Variants in SND1 observed in about 807,000 individuals in gnomAD.
SND1 encodes the protein staphylococcal nuclease domain-containing protein 1.
A neutral mutation model predicts 121.7 loss-of-function variants in SND1; 38 were observed. That is an observed-to-expected ratio of 0.31 (90% confidence interval 0.24 to 0.41). The LOEUF is 0.41. Among genes scored for constraint, SND1 ranks in the 10% least tolerant of loss-of-function variants. The pLI is 1.00. For missense variants in SND1, 868 were observed against 1,184.6 expected (o/e 0.73, Z 3.92); for synonymous variants, 401 against 447.4 (o/e 0.90, Z 1.31).
chr7:127,738,341 A>G (rs147000377), intron 10 of SND1, among the ~76,000 whole-genome samples: 2,481 of 147,118 alleles, frequency 0.017, 90 homozygotes, highest in African/African-American at 0.06. Context: ...CTGGAGTGCA[A>G]TGGCGCGATC....
At chr7:127,846,493 A>C (rs1799065355) in intron 12 of SND1, among the ~76,000 whole-genome samples, 1 of 152,264 alleles carries the variant, frequency 6.6e-6, no homozygotes, top group East Asian at 1.9e-4. Context: ...TGATACTGAA[A>C]CCATCCTTCA....
intron 16 of SND1, among the ~76,000 whole-genome samples, chr7:128,053,485 G>A (rs10250463): frequency 0.17 from 25,410 of 152,100 alleles, 2,399 homozygotes; most frequent in African/African-American, 0.26. Flanking sequence ...GGTGCAGGAG[G>A]CCAGAGATTT....
intron 12 of SND1, among the ~76,000 whole-genome samples, chr7:127,874,812 A>G (rs1799660854): frequency 6.6e-6 from 1 of 152,174 alleles, no homozygotes; most frequent in Non-Finnish European, 1.5e-5. Flanking sequence ...TTTAATATAT[A>G]ATTTAGCTAA....
intron 11 of SND1, among the ~76,000 whole-genome samples, chr7:127,813,546 T>TTTGTTG (rs575148903): frequency 6.6e-6 from 1 of 152,064 alleles, no homozygotes; most frequent in Non-Finnish European, 1.5e-5. Flanking sequence ...AAGTGTGTTA[T>TTTGTTG]TTGTTGTTGT....
chr7:128,022,188 G>A, intron 16 of SND1, among the ~76,000 whole-genome samples: 1 of 117,792 alleles, frequency 8.5e-6, no homozygotes, highest in African/African-American at 3.4e-5. Context: ...CTGGGCAACA[G>A]AGCAAGACTC....
intron 1 of SND1, among the ~76,000 whole-genome samples, chr7:127,654,102 C>T (rs1182028735): frequency 6.6e-6 from 1 of 152,194 alleles, no homozygotes; most frequent in African/African-American, 2.4e-5. Flanking sequence ...AGGTCTCTCT[C>T]ATTTGTGGAA....
intron 16 of SND1, chr7:128,030,360 G>T (rs1181040964): frequency 1.2e-6 from 2 of 1,614,038 alleles, no homozygotes; most frequent in African/African-American, 1.3e-5. Context: ...GTGGCGGAAG[G>T]TGTCGGCCTG....
chr7:127,877,521 T>C (rs1799713805), intron 12 of SND1, among the ~76,000 whole-genome samples: 1 of 152,098 alleles, frequency 6.6e-6, no homozygotes, highest in Admixed American at 6.5e-5. Flanking sequence ...GGTATGCTGT[T>C]TCTCAGAGAT....
chr7:127,918,715 G>A (rs1289516135), intron 14 of SND1, among the ~76,000 whole-genome samples: 2 of 152,102 alleles, frequency 1.3e-5, no homozygotes, highest in South Asian at 2.1e-4. Flanking sequence ...TTCTATTGTT[G>A]GATGTTGGGG....
intron 15 of SND1, among the ~76,000 whole-genome samples, chr7:127,955,512 T>G (rs550752388): frequency 1.3e-3 from 194 of 151,370 alleles, no homozygotes; most frequent in Non-Finnish European, 1.5e-3. Context: ...TGTGGGGGGG[T>G]GGTGGCACGT....
intron 14 of SND1, among the ~76,000 whole-genome samples, chr7:127,910,407 T>G (rs904395496): frequency 2.6e-5 from 4 of 152,044 alleles, no homozygotes; most frequent in African/African-American, 9.7e-5. Context: ...ATAGCATCAC[T>G]GCATTCCAGC....
chr7:127,702,500 G>C lies in SND1; in HGVS notation c.655G>C (p.Val219Leu). 6.2e-7 allele frequency: 1 copy of C among 1,614,088 alleles called. No homozygotes were observed. Among genetic ancestry groups the C allele is most frequent in the Non-Finnish European group, 8.5e-7 (1 of 1,179,974 alleles). ...CCTGCTCCTCCCAGATTACTACCTG[G>C]TTACAGTCATGCTGTCAGGCATCAA... ...RALLLPDYYL[V>L]TVMLSGIKCP... The change falls in exon 6 of 24, where the codon GTT (valine) becomes CTT (leucine). Residue 219 changes from valine to leucine, a missense_variant. By Grantham distance (32) the Val-to-Leu change is conservative. Coordinates refer to ENST00000354725, the MANE Select transcript of SND1 (RefSeq NM_014390.4).
chr7:128,040,437 TAAAAAAAAAAAAAAAAAA>T (rs67595921), intron 16 of SND1, among the ~76,000 whole-genome samples: 5 of 32,870 alleles, frequency 1.5e-4, no homozygotes, highest in Admixed American at 5.5e-4. Flanking sequence ...GTCCTATCTT[TAAAAAAAAAAAAAAAAAA>T]AAAAAAAAAA....
intron 11 of SND1, among the ~76,000 whole-genome samples, chr7:127,817,118 C>A (rs1798458336): frequency 6.6e-6 from 1 of 152,192 alleles, no homozygotes; most frequent in South Asian, 2.1e-4. Flanking sequence ...AATAAAATAT[C>A]ATCTCTGTTG....
chr7:127,978,059 C>T (rs1306335840), intron 15 of SND1, among the ~76,000 whole-genome samples: 1 of 151,986 alleles, frequency 6.6e-6, no homozygotes, highest in Non-Finnish European at 1.5e-5. Context: ...GGGTATAGAG[C>T]CAGGATTACA....
intron 15 of SND1, among the ~76,000 whole-genome samples, chr7:127,968,230 G>C (rs1021011753): frequency 6.6e-6 from 1 of 152,164 alleles, no homozygotes; most frequent in Admixed American, 6.5e-5. Context: ...CTTCCATTGA[G>C]ACAAGTTCTT....
intron 15 of SND1, among the ~76,000 whole-genome samples, chr7:127,954,180 A>G (rs754941229): frequency 6.6e-6 from 1 of 152,116 alleles, no homozygotes. Flanking sequence ...ACTCCAGCAA[A>G]TATTTCTGGA....
At chr7:127,737,420 C>T (rs773085432) in intron 10 of SND1, among the ~76,000 whole-genome samples, 5 of 152,190 alleles carry the variant, frequency 3.3e-5, no homozygotes, top group East Asian at 1.9e-4. Context: ...ACTGAAAATA[C>T]GAAAATTAGC....
intron 1 of SND1, among the ~76,000 whole-genome samples, chr7:127,672,631 A>G (rs1795540893): frequency 6.6e-6 from 1 of 151,948 alleles, no homozygotes; most frequent in Non-Finnish European, 1.5e-5. Context: ...AAAAGAAAGA[A>G]AAAGAAATTA....
Sources: allele counts gnomAD v4.1 joint callset (sites outside exome capture counted in the v4.1 genomes callset), GRCh38; gene constraint gnomAD v4.1.1; transcripts MANE v1.5; gene names NCBI Gene and HGNC (gene_info 2026-07-23, HGNC 2026-07-21).